Variants in SLCO4A1 observed in about 807,000 individuals in gnomAD.
The protein encoded by SLCO4A1 is colon organic anion transporter.
In SLCO4A1, 51 loss-of-function variants were observed where a neutral mutation model predicts 64.6. The observed-to-expected ratio is 0.79, with a 90% CI of 0.63 to 1.00. The LOEUF (loss-of-function observed/expected upper bound fraction) is 1.00, where lower values mean the gene tolerates loss of function less well. Among genes scored for constraint, SLCO4A1 ranks in the 50% least tolerant of loss-of-function variants. The pLI, the probability that SLCO4A1 is intolerant of heterozygous loss-of-function variation, is 0.00. For synonymous variants in SLCO4A1, 471 were observed against 444.9 expected (o/e 1.06, Z -0.74); for missense variants, 919 against 980.5 (o/e 0.94, Z 0.84).
At position 62,646,643 on chromosome 20, in the gene SLCO4A1, T is replaced by C. The variant is rs139312931; in HGVS notation, c.-97+4090T>C. 5.2e-3 allele frequency among the ~76,000 whole-genome samples: 786 copies of C among 152,314 alleles called. 5 individuals carry two copies. Among genetic ancestry groups the C allele is most frequent in the African/African-American group, 0.018 (740 of 41,572 alleles). ...CGGGGCCGGACAGGGTGGATTTCCA[T>C]TCTGAGTCTGTTTCCCATGAACTCC... is the stretch of plus-strand genomic sequence containing the variant. On this transcript the variant is annotated intron_variant, in intron 1 of 11. Transcript: ENST00000217159.
intron 1 of SLCO4A1, among the ~76,000 whole-genome samples, chr20:62,646,331 G>A (rs1049406233): frequency 1.3e-5 from 2 of 152,340 alleles, no homozygotes; most frequent in East Asian, 1.9e-4. Context: ...ACAGCAGGCT[G>A]GGAAGCAGGC....
chr20:62,687,519 C>T (rs1398601225), downstream of SLCO4A1, among the ~76,000 whole-genome samples: 2 of 152,268 alleles, frequency 1.3e-5, no homozygotes, highest in African/African-American at 4.8e-5. Flanking sequence ...CACTTGGCAC[C>T]CACACAATGA....
At chr20:62,660,252 A>G (rs370191262) in intron 3 of SLCO4A1, among the ~76,000 whole-genome samples, 160 bp from the exon 4 acceptor site, 136 of 152,180 alleles carry the variant, frequency 8.9e-4, no homozygotes, top group African/African-American at 3.2e-3. Context: ...CAAGGAAGGG[A>G]CAGGACCTGT....
chr20:62,648,587 G>A (rs1004188952), intron 1 of SLCO4A1, among the ~76,000 whole-genome samples: 5 of 152,234 alleles, frequency 3.3e-5, no homozygotes, highest in African/African-American at 1.2e-4. Context: ...CAAGGCCATG[G>A]GAGAGGACCC....
At chr20:62,668,662 G>T in intron 10 of SLCO4A1, 121 bp downstream of exon 10, 1 of 1,009,672 alleles carries the variant, frequency 9.9e-7, no homozygotes, top group Non-Finnish European at 1.6e-6. Context: ...TCCCGCCTGG[G>T]AAGGGGTCCA....
chr20:62,680,026 G>T (rs1987757625), intron 2 of SLCO4A1, among the ~76,000 whole-genome samples: 1 of 152,234 alleles, frequency 6.6e-6, no homozygotes, highest in South Asian at 2.1e-4. Context: ...CCCCAGGAGA[G>T]GAGAGCTCGT....
chr20:62,682,122 G>C (rs550238792), intron 2 of SLCO4A1, among the ~76,000 whole-genome samples: 2 of 152,212 alleles, frequency 1.3e-5, no homozygotes, highest in Non-Finnish European at 2.9e-5. Flanking sequence ...TTTGAAAGGG[G>C]AGCCGACGGT....
chr20:62,672,275 A>G lies in SLCO4A1; in HGVS notation c.*382A>G, dbSNP rs1987330265. The G allele has an allele frequency of 1.8e-6, 2 of 1,138,430 alleles. No individual in the cohort carries two copies. The highest frequency in any genetic ancestry group is 2.2e-6 in the Non-Finnish European group (2 of 920,116). The allele number at this position is 1,138,430 out of a possible 1,614,324, so 70.5% of individuals were successfully genotyped here. On this transcript the variant is annotated 3_prime_UTR_variant, in exon 12 of 12. Transcript: ENST00000217159. ...GTTAAAACTGTGCATATCGAAATAT[A>G]TTTTGTTATTTAAGCCTGCGTCCCC...
Position 62,685,364 on chromosome 20 carries a change from C to T in SLCO4A1, n.212-77C>T. 2.5e-6 allele frequency: 2 copies of T among 815,092 alleles called. No individual in the cohort carries two copies. Among genetic ancestry groups the T allele is most frequent in the South Asian group, 1.1e-4 (2 of 17,896 alleles). 50.5% of individuals were successfully genotyped at this position (815,092 alleles called of 1,614,324 possible). On this transcript the variant is annotated intron_variant and non_coding_transcript_variant, in intron 2 of 2. Coordinates refer to the SLCO4A1 transcript ENST00000466818. This position sits in a 1 kb window ranked among gnomAD's most constrained non-coding sequence, Gnocchi z 4.6. The stretch of plus-strand genomic sequence containing the variant: ...CAAGGGTGGGTTCGTGGGGCAACTG[C>T]ACCCGCTCCCTTCCACTCTGCTGTG...
Position 62,661,023 on chromosome 20 carries a change from G to GGCCC in SLCO4A1, c.1010-41_1010-40insGCCC. 39 of 732,772 alleles carry GGCCC rather than the reference G, an allele frequency of 5.3e-5. No individual in the cohort carries two copies. Among genetic ancestry groups the GGCCC allele is most frequent in the African/African-American group, 1.4e-4 (8 of 58,648 alleles). 45.4% of individuals were successfully genotyped at this position (732,772 alleles called of 1,614,324 possible). On this transcript the variant is annotated intron_variant, in intron 4 of 11. Transcript: ENST00000217159. The surrounding 1 kb of genome is among the most constrained non-coding windows in gnomAD (Gnocchi z 5.2). The stretch of plus-strand genomic sequence containing the variant: ...CTCTCGGAGAAGTCCACCTCCGGGA[G>GGCCC]CCCCCAGCCCCCAGCCCCAGCTCAC...
In SLCO4A1 at chr20:62,660,682, G is replaced by A. The variant is rs117126021; in HGVS notation, c.1009+149G>A. On this transcript the variant is annotated intron_variant, in intron 4 of 11. Coordinates refer to ENST00000217159, the MANE Select transcript of SLCO4A1 (RefSeq NM_016354.4). The stretch of plus-strand genomic sequence containing the variant: ...CATTCTCAGTGTTCTTCCCATCTGG[G>A]TGGAGAGACGCCTCCTGGCTGTGGC... 1.6e-3 allele frequency: 1,642 copies of A among 1,024,836 alleles called. 3 individuals carry two copies. The highest frequency in any genetic ancestry group is 1.8e-3 in the Non-Finnish European group (1,246 of 685,902). The allele number at this position is 1,024,836 out of a possible 1,614,324, so 63.5% of individuals were successfully genotyped here.
At chr20:62,677,607 G>T (rs183084191) in intron 2 of SLCO4A1, among the ~76,000 whole-genome samples, 1 of 152,262 alleles carries the variant, frequency 6.6e-6, no homozygotes, top group South Asian at 2.1e-4. Flanking sequence ...GTAGAGACCT[G>T]CACTCCAACC....
intron 1 of SLCO4A1, chr20:62,642,934 C>T (rs1569110882): frequency 4.4e-6 from 2 of 455,890 alleles, no homozygotes; most frequent in Non-Finnish European, 9.1e-6. Context: ...TGGCCCGGAG[C>T]GCGCGCAGGC....
chr20:62,658,167 A>T (rs749635597), intron 2 of SLCO4A1, among the ~76,000 whole-genome samples: 1 of 152,142 alleles, frequency 6.6e-6, no homozygotes, highest in Non-Finnish European at 1.5e-5. Context: ...CAGCCTCCTC[A>T]TGTCCTCCTT....
At chr20:62,680,522 C>G (rs1457170716) in intron 2 of SLCO4A1, among the ~76,000 whole-genome samples, 1 of 151,886 alleles carries the variant, frequency 6.6e-6, no homozygotes, top group African/African-American at 2.4e-5. Context: ...TAATAGAAGC[C>G]CTTTATCTGT....
Position 62,645,846 on chromosome 20 carries a change from C to G in SLCO4A1, c.-97+3293C>G, listed in dbSNP as rs1981228040. ...TTGGTGGTTTTTCTAATCTGGCAAGCCTTGGGGGGCACCTGAGGCATTGCC... is the reference window on the plus strand; with the variant it reads ...TTGGTGGTTTTTCTAATCTGGCAAGGCTTGGGGGGCACCTGAGGCATTGCC... On this transcript the variant is annotated intron_variant, in intron 1 of 11. Coordinates refer to ENST00000217159, the MANE Select transcript of SLCO4A1 (RefSeq NM_016354.4). The surrounding 1 kb of genome is among the most constrained non-coding windows in gnomAD (Gnocchi z 4.2). Among the ~76,000 whole-genome samples the G allele has an allele frequency of 6.6e-6, 1 of 151,968 alleles. No homozygotes were observed. Among genetic ancestry groups the G allele is most frequent in the Non-Finnish European group, 1.5e-5 (1 of 67,992 alleles).
At chr20:62,662,838 C>T (rs1985278764) in intron 5 of SLCO4A1, among the ~76,000 whole-genome samples, 1 of 51,166 alleles carries the variant, frequency 2.0e-5, no homozygotes, top group Non-Finnish European at 4.2e-5. Context: ...CCAGCCCCAT[C>T]CCCCCACACG....
At chr20:62,679,077 G>A (rs1219230855) in intron 2 of SLCO4A1, among the ~76,000 whole-genome samples, 1 of 152,142 alleles carries the variant, frequency 6.6e-6, no homozygotes, top group South Asian at 2.1e-4. Flanking sequence ...AAATTAGCAT[G>A]CCTGTAATCC....
rs368075379 is a variant in SLCO4A1, at chr20:62,668,485, G to A, written c.1820G>A (p.Arg607His). 1.2e-5 allele frequency: 20 copies of A among 1,613,740 alleles called. No individual in the cohort carries two copies. The highest frequency in any genetic ancestry group is 8.0e-5 in the African/African-American group (6 of 74,890). Residue 607 changes from arginine to histidine, a missense_variant, in exon 10 of 12, where the codon CGT becomes CAT. Physicochemically the swap from Arg to His is conservative, Grantham distance 29 (BLOSUM62 0). Coordinates refer to ENST00000217159, the MANE Select transcript of SLCO4A1 (RefSeq NM_016354.4). ...PALTATLRCV[R>H]DPQRSFALGI... ...GTGGTTTTCTATTGCAGATGTGTCC[G>A]TGACCCTCAGAGATCCTTTGCCCTG... is the stretch of plus-strand genomic sequence containing the variant.
Sources: allele counts gnomAD v4.1 joint callset (sites outside exome capture counted in the v4.1 genomes callset), GRCh38; gene constraint gnomAD v4.1.1; non-coding constraint Gnocchi (gnomAD v3.1); transcripts MANE v1.5; gene names NCBI Gene and HGNC (gene_info 2026-07-23, HGNC 2026-07-21).